Variants in ITSN1 observed in about 807,000 individuals in gnomAD.
ITSN1 encodes the protein intersectin-1.
A neutral mutation model predicts 239.8 loss-of-function variants in ITSN1; 58 were observed. The observed-to-expected ratio is 0.24, with a 90% CI of 0.20 to 0.30. ITSN1 has a LOEUF of 0.30. Ranked by LOEUF, ITSN1 falls within the 10% of genes least tolerant of loss-of-function variation. ITSN1 has a pLI of 1.00. For missense variants in ITSN1, 1,558 were observed against 2,103.3 expected, an observed-to-expected ratio of 0.74 and a Z score of 5.07; for synonymous variants, 780 against 770.8, an observed-to-expected ratio of 1.01 and a Z score of -0.20.
intron 28 of ITSN1, among the ~76,000 whole-genome samples, chr21:33,835,861 G>A (rs1043041547): frequency 6.6e-6 from 1 of 152,230 alleles, no homozygotes; most frequent in African/African-American, 2.4e-5. Flanking sequence ...AACCCTGGAG[G>A]TGGAGGTTGC....
chr21:33,841,611 G>T (rs540066912), intron 29 of ITSN1, among the ~76,000 whole-genome samples: 446 of 152,296 alleles, frequency 2.9e-3, no homozygotes, highest in African/African-American at 0.01. Context: ...GGAGGCTGAG[G>T]ACCAGGGACC....
intron 16 of ITSN1, among the ~76,000 whole-genome samples, chr21:33,784,552 T>C (rs2070488286): frequency 6.6e-6 from 1 of 152,334 alleles, no homozygotes; most frequent in African/African-American, 2.4e-5. Context: ...AGTATAACTA[T>C]ATTGTTTTGT....
intron 1 of ITSN1, among the ~76,000 whole-genome samples, chr21:33,677,503 C>A (rs1418896073): frequency 6.6e-6 from 1 of 152,024 alleles, no homozygotes; most frequent in Non-Finnish European, 1.5e-5. Flanking sequence ...CCATGTCCAG[C>A]TAATTTTTAT....
At chr21:33,752,120 C>T (rs2067594304) in intron 7 of ITSN1, among the ~76,000 whole-genome samples, 1 of 149,978 alleles carries the variant, frequency 6.7e-6, no homozygotes, top group South Asian at 2.1e-4. Context: ...AAGGACATAA[C>T]ATTTCCTTAA....
chr21:33,664,959 AT>A (rs2089828847), intron 1 of ITSN1, among the ~76,000 whole-genome samples: 1 of 148,990 alleles, frequency 6.7e-6, no homozygotes. Flanking sequence ...TCATCTACTT[AT>A]AAAAAATAAT....
At chr21:33,788,550 G>A (rs1350578644) in intron 16 of ITSN1, among the ~76,000 whole-genome samples, 8 of 152,060 alleles carry the variant, frequency 5.3e-5, no homozygotes, top group Admixed American at 5.2e-4. Flanking sequence ...GGCCAACATG[G>A]CAAAATCCTG....
chr21:33,693,468 T>C (rs568767868), intron 1 of ITSN1, among the ~76,000 whole-genome samples: 1 of 152,200 alleles, frequency 6.6e-6, no homozygotes, highest in South Asian at 2.1e-4. Context: ...GCAATTCTCC[T>C]GCCTCAGCCT....
chr21:33,646,363 A>T (rs1303526251), intron 1 of ITSN1, among the ~76,000 whole-genome samples: 1 of 152,240 alleles, frequency 6.6e-6, no homozygotes, highest in Non-Finnish European at 1.5e-5. Flanking sequence ...TATATTTGGT[A>T]TATTGTCTTA....
intron 16 of ITSN1, among the ~76,000 whole-genome samples, chr21:33,785,989 C>T (rs546959132): frequency 1.3e-5 from 2 of 152,128 alleles, no homozygotes; most frequent in Non-Finnish European, 2.9e-5. Context: ...TTAAATAAGT[C>T]TGTAAAAACA....
chr21:33,689,430 T>A (rs958008046), intron 1 of ITSN1: 4 of 152,052 alleles, frequency 2.6e-5, no homozygotes, highest in Non-Finnish European at 5.9e-5. Context: ...ATCCCAGCAC[T>A]TTTTGGGAGC....
intron 6 of ITSN1, among the ~76,000 whole-genome samples, chr21:33,751,459 C>T (rs951787198): frequency 2.6e-5 from 4 of 152,222 alleles, no homozygotes; most frequent in African/African-American, 7.2e-5. Context: ...AATACTTCAG[C>T]TCCTTCAGTG....
intron 34 of ITSN1, among the ~76,000 whole-genome samples, chr21:33,876,491 A>G (rs1338829430): frequency 6.6e-6 from 1 of 152,214 alleles, no homozygotes; most frequent in Non-Finnish European, 1.5e-5. Context: ...CAGCATCCCA[A>G]GTAGCTGGGA....
chr21:33,745,305 C>T (rs2067114471), intron 5 of ITSN1, among the ~76,000 whole-genome samples: 1 of 152,092 alleles, frequency 6.6e-6, no homozygotes, highest in African/African-American at 2.4e-5. Flanking sequence ...GGTCACATGG[C>T]CTGGGTCTTT....
intron 1 of ITSN1, among the ~76,000 whole-genome samples, chr21:33,680,990 C>T (rs1475431326): frequency 1.3e-5 from 2 of 152,180 alleles, no homozygotes; most frequent in Non-Finnish European, 2.9e-5. Context: ...AACTTTGTTT[C>T]TCAGTTTAAG....
intron 2 of ITSN1, among the ~76,000 whole-genome samples, chr21:33,719,158 G>A (rs1206235722): frequency 1.3e-5 from 2 of 152,054 alleles, no homozygotes; most frequent in Admixed American, 6.6e-5. Context: ...TTACAATACC[G>A]GGCCGGGCAT....
intron 4 of ITSN1, among the ~76,000 whole-genome samples, chr21:33,725,211 C>T (rs1377371746): frequency 2.1e-5 from 3 of 143,722 alleles, no homozygotes; most frequent in Non-Finnish European, 1.5e-5. Flanking sequence ...TCTTAGCTCA[C>T]TGCAACCTCT....
chr21:33,653,024 G>A (rs1288703133), intron 1 of ITSN1, among the ~76,000 whole-genome samples: 16 of 147,160 alleles, frequency 1.1e-4, no homozygotes, highest in Admixed American at 6.8e-4. Flanking sequence ...TGACAGAGTC[G>A]TGTTTTGTTG....
intron 24 of ITSN1, among the ~76,000 whole-genome samples, chr21:33,819,807 C>T (rs368746558): frequency 6.6e-6 from 1 of 151,706 alleles, no homozygotes; most frequent in African/African-American, 2.4e-5. Context: ...AAGGTGAAAC[C>T]CCGTCTCTAC....
chr21:33,830,802 T>C (rs1208983370), intron 27 of ITSN1, among the ~76,000 whole-genome samples: 1 of 152,068 alleles, frequency 6.6e-6, no homozygotes, highest in African/African-American at 2.4e-5. Context: ...AATATTCTTA[T>C]TTTTAGGAGA....
Sources: gnomAD v4.1 joint callset for allele counts (sites outside exome capture counted in the v4.1 genomes callset) on GRCh38, gnomAD v4.1.1 for gene constraint, MANE v1.5 for transcripts, NCBI Gene and HGNC (gene_info 2026-07-23, HGNC 2026-07-21) for gene names.